Variants in ARFIP1 observed in about 807,000 individuals in gnomAD.
ARFIP1 encodes the protein arfaptin-1.
Under a neutral mutation model 42.5 loss-of-function variants are expected in ARFIP1, and 24 were observed. That is an observed-to-expected ratio of 0.57 (90% confidence interval 0.41 to 0.80). The LOEUF (loss-of-function observed/expected upper bound fraction) is 0.80. Among genes scored for constraint, ARFIP1 ranks in the 30% least tolerant of loss-of-function variants. ARFIP1 has a pLI of 0.00. For missense variants in ARFIP1, 354 were observed against 434.0 expected, an observed-to-expected ratio of 0.82 and a Z score of 1.64; for synonymous variants, 141 against 153.7, an observed-to-expected ratio of 0.92 and a Z score of 0.61.
At chr4:152,838,868 G>A (rs1214999574) in intron 2 of ARFIP1, among the ~76,000 whole-genome samples, 1 of 152,108 alleles carries the variant, frequency 6.6e-6, no homozygotes, top group Non-Finnish European at 1.5e-5. Flanking sequence ...CATTCTCAGA[G>A]AGAATGCTTT....
At chr4:152,864,516 TA>T (rs1456187580) in intron 3 of ARFIP1, among the ~76,000 whole-genome samples, 1 of 152,202 alleles carries the variant, frequency 6.6e-6, no homozygotes, top group East Asian at 1.9e-4. Context: ...AGGAATTGCT[TA>T]ATTCCTCCAG....
At chr4:152,877,899 T>G (rs1314408900) in intron 5 of ARFIP1, among the ~76,000 whole-genome samples, 2 of 152,234 alleles carry the variant, frequency 1.3e-5, no homozygotes, top group Admixed American at 1.3e-4. Flanking sequence ...CCGCTATGAT[T>G]CTGAGGCCTC....
At chr4:152,868,666 A>G (rs1233555120) in intron 3 of ARFIP1, among the ~76,000 whole-genome samples, 5 of 152,218 alleles carry the variant, frequency 3.3e-5, no homozygotes, top group African/African-American at 9.6e-5. Flanking sequence ...TGTAATAACT[A>G]GAACAATAGA....
chr4:152,796,894 C>T (rs938601578), intron 1 of ARFIP1: 5 of 405,712 alleles, frequency 1.2e-5, no homozygotes, highest in Middle Eastern at 6.5e-4. Context: ...TCTCCTTTAC[C>T]TTTGTTTTTA....
intron 5 of ARFIP1, among the ~76,000 whole-genome samples, chr4:152,879,283 A>G (rs1263605748): frequency 6.6e-6 from 1 of 152,194 alleles, no homozygotes; most frequent in African/African-American, 2.4e-5. Flanking sequence ...ATTGACAAGA[A>G]AAAGTCTCAG....
At chr4:152,811,090 C>CTTTTTTTTTTTTTTTTTTT (rs5863021) in intron 1 of ARFIP1, among the ~76,000 whole-genome samples, 1 of 74,430 alleles carries the variant, frequency 1.3e-5, no homozygotes, top group African/African-American at 5.0e-5. Context: ...AAGGTTAAGC[C>CTTTTTTTTTTTTTTTTTTT]TTTTTTTTTT....
At chr4:152,883,070 C>A (rs1486465161) in intron 7 of ARFIP1, among the ~76,000 whole-genome samples, 190 bp downstream of exon 7, 1 of 152,120 alleles carries the variant, frequency 6.6e-6, no homozygotes, top group African/African-American at 2.4e-5. Flanking sequence ...CAACCAAGAA[C>A]CAAAGCCAAG....
At chr4:152,874,668 T>G (rs545363128) in intron 5 of ARFIP1, among the ~76,000 whole-genome samples, 1 of 152,124 alleles carries the variant, frequency 6.6e-6, no homozygotes, top group East Asian at 1.9e-4. Flanking sequence ...ATTTACTGTT[T>G]GTTTGTTTGT....
rs36085096 is a variant in ARFIP1 at position 152,904,198 on chromosome 4, A to ATAT, written c.967-5865_967-5864insATT. Among the ~76,000 whole-genome samples the ATAT allele has an allele frequency of 7.5e-3, 949 of 126,588 alleles. 16 individuals are homozygous for ATAT. Among genetic ancestry groups the ATAT allele is most frequent in the African/African-American group, 0.028 (847 of 30,640 alleles). 83.0% of individuals were successfully genotyped at this position (126,588 alleles called of 152,430 possible). On this transcript the variant is annotated intron_variant, in intron 8 of 8. Coordinates refer to ENST00000353617, the MANE Select transcript of ARFIP1 (RefSeq NM_001025595.3). ...TGTGTGTGTATATATATATATATAT[A>ATAT]TTTTTTTTTTTTTAACGGAGTCTCG...
At chr4:152,881,873 G>A (rs753984037) in intron 6 of ARFIP1, among the ~76,000 whole-genome samples, 2 of 152,102 alleles carry the variant, frequency 1.3e-5, no homozygotes, top group Non-Finnish European at 2.9e-5. Flanking sequence ...CATTAAATTT[G>A]TATCTTCTAA....
At chr4:152,822,780 A>G (rs1446819440) in intron 1 of ARFIP1, among the ~76,000 whole-genome samples, 1 of 152,206 alleles carries the variant, frequency 6.6e-6, no homozygotes, top group Non-Finnish European at 1.5e-5. Flanking sequence ...ATACATAGAC[A>G]TGGAAATGAA....
chr4:152,824,088 G>A (rs1473708546), intron 1 of ARFIP1, among the ~76,000 whole-genome samples: 6 of 151,862 alleles, frequency 4.0e-5, no homozygotes, highest in Non-Finnish European at 7.4e-5. Context: ...CAAGGCGGGT[G>A]GATCACTTGA....
At chr4:152,880,454 T>C (rs72968475) in intron 5 of ARFIP1, among the ~76,000 whole-genome samples, 2,143 of 152,140 alleles carry the variant, frequency 0.014, 29 homozygotes, top group African/African-American at 0.034. Context: ...AGTAACTTAG[T>C]AGTTTCTCTC....
At chr4:152,818,657 T>G (rs1366320728) in intron 1 of ARFIP1, among the ~76,000 whole-genome samples, 1 of 152,166 alleles carries the variant, frequency 6.6e-6, no homozygotes, top group African/African-American at 2.4e-5. Context: ...CACTCCTGCT[T>G]CCACAGACTG....
intron 2 of ARFIP1, among the ~76,000 whole-genome samples, chr4:152,859,738 T>TC (rs1733728666): frequency 6.6e-6 from 1 of 151,936 alleles, no homozygotes; most frequent in African/African-American, 2.4e-5. Flanking sequence ...ATGTCTTTTT[T>TC]CCCACAGTTT....
chr4:152,904,633 G>A (rs951988362), intron 8 of ARFIP1, among the ~76,000 whole-genome samples: 2 of 152,080 alleles, frequency 1.3e-5, no homozygotes, highest in Admixed American at 6.5e-5. Flanking sequence ...CCACTTATAA[G>A]TAGAACATGC....
At chr4:152,904,644 A>G (rs1738153261) in intron 8 of ARFIP1, among the ~76,000 whole-genome samples, 1 of 151,944 alleles carries the variant, frequency 6.6e-6, no homozygotes, top group Admixed American at 6.5e-5. Context: ...TAGAACATGC[A>G]GTGTTTGGTT....
chr4:152,878,847 C>T (rs1021174516), intron 5 of ARFIP1, among the ~76,000 whole-genome samples: 3 of 152,176 alleles, frequency 2.0e-5, no homozygotes, highest in Non-Finnish European at 4.4e-5. Context: ...TATATCTAGG[C>T]TGTTGTGACA....
intron 1 of ARFIP1, among the ~76,000 whole-genome samples, chr4:152,812,848 A>G (rs918261904): frequency 6.6e-6 from 1 of 152,212 alleles, no homozygotes; most frequent in African/African-American, 2.4e-5. Context: ...TTTCATTTCC[A>G]CAATCCAGTT....
Sources: gnomAD v4.1 joint callset for allele counts (sites outside exome capture counted in the v4.1 genomes callset) on GRCh38, gnomAD v4.1.1 for gene constraint, MANE v1.5 for transcripts, NCBI Gene and HGNC (gene_info 2026-07-23, HGNC 2026-07-21) for gene names.